The following PTPRN2 variants were observed in gnomAD, a reference collection of about 807,000 sequenced individuals.
The protein encoded by PTPRN2 is protein tyrosine phosphatase receptor type N2.
Under a neutral mutation model 118.8 loss-of-function variants are expected in PTPRN2, and 74 were observed. The ratio of observed to expected loss-of-function variants is 0.62; its 90% confidence interval spans 0.52 to 0.76. The LOEUF is 0.76. Ranked by LOEUF, PTPRN2 falls within the 30% of genes least tolerant of loss-of-function variation. The probability of loss-of-function intolerance (pLI) is 0.00; values close to 1 mark genes in which losing one functional copy is unlikely to be tolerated. For synonymous variants in PTPRN2, 641 were observed against 608.0 expected, an observed-to-expected ratio of 1.05 and a Z score of -0.80; for missense variants, 1,481 against 1,394.4, an observed-to-expected ratio of 1.06 and a Z score of -0.99.
chr7:157,865,501 T>C (rs191018037), intron 12 of PTPRN2: 188 of 152,074 alleles, frequency 1.2e-3, no homozygotes, highest in African/African-American at 4.4e-3. Context: ...ACCCTCACCG[T>C]GGGGCCACGA....
At chr7:157,899,349 C>T (rs1310102979) in intron 11 of PTPRN2, among the ~76,000 whole-genome samples, 1 of 152,168 alleles carries the variant, frequency 6.6e-6, no homozygotes. Flanking sequence ...GAAATGAGCT[C>T]TGGAAACAAT....
At chr7:157,887,748 C>T (rs1286724840) in intron 12 of PTPRN2, among the ~76,000 whole-genome samples, 2 of 35,196 alleles carry the variant, frequency 5.7e-5, no homozygotes, top group Non-Finnish European at 6.4e-5. Context: ...ATACCCACTC[C>T]CCCAGTGCCT....
At chr7:158,261,258 G>A (rs561367574) in intron 3 of PTPRN2, among the ~76,000 whole-genome samples, 79 of 152,240 alleles carry the variant, frequency 5.2e-4, no homozygotes, top group South Asian at 3.3e-3. Context: ...GCCGGGCAGC[G>A]GGAAGAAGCT....
chr7:158,399,742 G>A (rs957238089), intron 2 of PTPRN2, among the ~76,000 whole-genome samples: 1 of 152,210 alleles, frequency 6.6e-6, no homozygotes, highest in African/African-American at 2.4e-5. Flanking sequence ...GAAAAAAAGT[G>A]TGACAAGGAA....
intron 6 of PTPRN2, among the ~76,000 whole-genome samples, chr7:158,150,612 A>G (rs905586457): frequency 6.6e-6 from 1 of 152,134 alleles, no homozygotes; most frequent in East Asian, 1.9e-4. Context: ...TTTCTCCTTA[A>G]GATCTCGGTG....
At chr7:157,934,571 T>C (rs1196196160) in intron 11 of PTPRN2, among the ~76,000 whole-genome samples, 3 of 152,218 alleles carry the variant, frequency 2.0e-5, no homozygotes, top group Non-Finnish European at 4.4e-5. Flanking sequence ...ACTTCAATTT[T>C]TACTTGTTTA....
In PTPRN2 at chr7:158,262,974, CACACAT is replaced by C. The variant is rs1368393973; in HGVS notation, c.277+53839_277+53844del. Among the ~76,000 whole-genome samples, 11 of 119,312 alleles carry C rather than the reference CACACAT, an allele frequency of 9.2e-5. 1 individual carries two copies. In the East Asian group the frequency reaches 2.0e-3, roughly 22 times the overall value. 78.3% of individuals were successfully genotyped at this position (119,312 alleles called of 152,430 possible). The stretch of plus-strand genomic sequence containing the variant: ...CACACATACACACATTCACACACTG[CACACAT>C]ACAGATTCACACACATTGCACACAC... On this transcript the variant is annotated intron_variant, in intron 3 of 22. Transcript: ENST00000389418.
At chr7:157,898,102 G>A (rs1220075600) in intron 12 of PTPRN2, among the ~76,000 whole-genome samples, 4 of 151,964 alleles carry the variant, frequency 2.6e-5, no homozygotes, top group Non-Finnish European at 5.9e-5. Context: ...AGCATGGTAA[G>A]GTTTGGACAC....
chr7:158,303,806 A>G (rs975888684), intron 3 of PTPRN2, among the ~76,000 whole-genome samples: 2 of 152,252 alleles, frequency 1.3e-5, no homozygotes, highest in African/African-American at 4.8e-5. Context: ...GAGGCTCCCA[A>G]GTTATTTTAA....
intron 3 of PTPRN2, among the ~76,000 whole-genome samples, chr7:158,294,961 C>T: frequency 6.9e-6 from 1 of 144,122 alleles, no homozygotes; most frequent in Non-Finnish European, 1.5e-5. Context: ...AGGGTCCAAG[C>T]CCACGGCGCC....
chr7:158,155,789 A>ATCAACACCATCATCG (rs1270796204), intron 6 of PTPRN2, among the ~76,000 whole-genome samples: 3 of 151,838 alleles, frequency 2.0e-5, no homozygotes, highest in Non-Finnish European at 4.4e-5. Context: ...CATTACCATC[A>ATCAACACCATCATCG]TCAACACCAT....
At chr7:157,688,738 C>A (rs1265696942) in intron 12 of PTPRN2, among the ~76,000 whole-genome samples, 1 of 152,222 alleles carries the variant, frequency 6.6e-6, no homozygotes, top group East Asian at 1.9e-4. Context: ...CGCCTAGCGT[C>A]GCTTGTCAGA....
At chr7:157,931,006 C>T (rs570903141) in intron 11 of PTPRN2, among the ~76,000 whole-genome samples, 3 of 152,184 alleles carry the variant, frequency 2.0e-5, no homozygotes, top group Non-Finnish European at 2.9e-5. Context: ...GTGCACAGGC[C>T]TCCTGTGGAT....
At chr7:158,260,146 G>A (rs745920144) in intron 3 of PTPRN2, among the ~76,000 whole-genome samples, 1 of 152,212 alleles carries the variant, frequency 6.6e-6, no homozygotes, top group Non-Finnish European at 1.5e-5. Context: ...CAGACAAGAT[G>A]CCTGCTGTCT....
intron 6 of PTPRN2, among the ~76,000 whole-genome samples, chr7:158,163,850 C>T (rs549493944): frequency 5.9e-4 from 90 of 152,282 alleles, no homozygotes; most frequent in African/African-American, 1.8e-3. Context: ...GACGCCTGTA[C>T]GGGGTTCTCA....
intron 20 of PTPRN2, among the ~76,000 whole-genome samples, chr7:157,570,150 G>A (rs1322122209): frequency 6.6e-6 from 1 of 152,262 alleles, no homozygotes; most frequent in Admixed American, 6.5e-5. Flanking sequence ...AGGAGAGGCG[G>A]TCGGCCTGGG....
At chr7:157,790,498 A>T (rs888126312) in intron 12 of PTPRN2, among the ~76,000 whole-genome samples, 2 of 152,096 alleles carry the variant, frequency 1.3e-5, no homozygotes, top group Non-Finnish European at 2.9e-5. Flanking sequence ...TACAAAACAG[A>T]TGGTCTAGGA....
At chr7:158,213,020 C>A (rs1278365011) in intron 3 of PTPRN2, among the ~76,000 whole-genome samples, 1 of 152,120 alleles carries the variant, frequency 6.6e-6, no homozygotes, top group African/African-American at 2.4e-5. Flanking sequence ...CCAAATAACT[C>A]TCAAGAATAA....
chr7:157,637,508 C>T (rs1358698966), intron 14 of PTPRN2, among the ~76,000 whole-genome samples: 5 of 152,170 alleles, frequency 3.3e-5, no homozygotes, highest in East Asian at 1.9e-4. Flanking sequence ...AAAGCCGTTT[C>T]GTATCACGAT....
Sources: allele counts gnomAD v4.1 joint callset (sites outside exome capture counted in the v4.1 genomes callset), GRCh38; gene constraint gnomAD v4.1.1; transcripts MANE v1.5; gene names NCBI Gene and HGNC (gene_info 2026-07-23, HGNC 2026-07-21).